Variants in MAST4 observed in about 807,000 individuals in gnomAD.
MAST4 encodes the protein microtubule associated serine/threonine kinase family member 4.
A neutral mutation model predicts 162.7 loss-of-function variants in MAST4; 89 were observed. That is an observed-to-expected ratio of 0.55 (90% confidence interval 0.46 to 0.65). MAST4 has a LOEUF of 0.65. Among genes scored for constraint, MAST4 ranks in the 30% least tolerant of loss-of-function variants. MAST4 has a pLI of 0.00. For synonymous variants in MAST4, 1,479 were observed against 1,361.1 expected (o/e 1.09, Z -1.91); for missense variants, 3,153 against 3,374.0 (o/e 0.93, Z 1.62).
intron 3 of MAST4, among the ~76,000 whole-genome samples, chr5:66,865,814 C>T (rs1465992482): frequency 6.6e-6 from 1 of 152,152 alleles, no homozygotes; most frequent in Non-Finnish European, 1.5e-5. Flanking sequence ...GTGGCTCACG[C>T]CTGTAATCCC....
intron 1 of MAST4, among the ~76,000 whole-genome samples, chr5:66,716,838 G>A (rs1750872424): frequency 1.3e-5 from 2 of 152,156 alleles, no homozygotes; most frequent in Non-Finnish European, 2.9e-5. Context: ...AGAGTACCAT[G>A]ACCAGAACTG....
chr5:67,147,817 A>G (rs1771287911), intron 23 of MAST4, among the ~76,000 whole-genome samples: 1 of 152,240 alleles, frequency 6.6e-6, no homozygotes, highest in African/African-American at 2.4e-5. Context: ...TGAGTTTAGC[A>G]TATAGGAGTA....
At chr5:67,150,233 C>G (rs941056590) in intron 24 of MAST4, among the ~76,000 whole-genome samples, 3 of 152,222 alleles carry the variant, frequency 2.0e-5, no homozygotes, top group Non-Finnish European at 1.5e-5. Flanking sequence ...TGATCACTAA[C>G]TCTGTAGTAA....
In MAST4 at chr5:66,963,787, G is replaced by C. The variant is rs1581032218; in HGVS notation, c.674+63805G>C. On this transcript the variant is annotated intron_variant, in intron 4 of 28. Coordinates refer to ENST00000403625, the MANE Select transcript of MAST4 (RefSeq NM_001164664.2). The stretch of plus-strand genomic sequence containing the variant: ...CCTCTCTTGGCCTTTCACTTTTGGA[G>C]GTAAGCATGCTCCAGGGCCTGCCCA... The C allele has an allele frequency of 3.8e-6, 3 of 779,788 alleles. No individual in the cohort carries two copies. In the East Asian group the frequency reaches 7.3e-5, roughly 19 times the overall value. The allele number at this position is 779,788 out of a possible 1,614,324, so 48.3% of individuals were successfully genotyped here.
chr5:66,944,633 A>G (rs1264355564), intron 4 of MAST4, among the ~76,000 whole-genome samples: 1 of 152,084 alleles, frequency 6.6e-6, no homozygotes, highest in East Asian at 1.9e-4. Context: ...ATAGAAACAC[A>G]TAGACTTATA....
chr5:67,029,398 G>A (rs149205375), intron 4 of MAST4, among the ~76,000 whole-genome samples: 427 of 152,190 alleles, frequency 2.8e-3, no homozygotes, highest in African/African-American at 9.1e-3. Flanking sequence ...TATATGTTTT[G>A]TTTTACTTTG....
At chr5:67,083,876 G>T (rs1019057199) in intron 5 of MAST4, among the ~76,000 whole-genome samples, 3 of 152,142 alleles carry the variant, frequency 2.0e-5, no homozygotes, top group Non-Finnish European at 4.4e-5. Flanking sequence ...GTAGATGGGA[G>T]GAAAACATGC....
chr5:66,889,444 T>A (rs1272215788), intron 3 of MAST4, among the ~76,000 whole-genome samples: 4 of 152,234 alleles, frequency 2.6e-5, no homozygotes, highest in African/African-American at 9.6e-5. Context: ...CTAAAGGCAA[T>A]TAAAATTCTA....
intron 1 of MAST4, among the ~76,000 whole-genome samples, chr5:66,697,792 T>A (rs917503678): frequency 2.0e-5 from 3 of 152,348 alleles, no homozygotes; most frequent in Admixed American, 2.0e-4. Flanking sequence ...TTTTTAAATG[T>A]CTGCTTTAAT....
intron 3 of MAST4, among the ~76,000 whole-genome samples, chr5:66,858,099 G>A (rs1333543783): frequency 2.6e-5 from 4 of 152,002 alleles, no homozygotes. Context: ...TGGGACTGCA[G>A]GTGCATGCCA....
intron 14 of MAST4, among the ~76,000 whole-genome samples, chr5:67,124,355 A>T (rs1007169151): frequency 2.6e-5 from 4 of 152,194 alleles, no homozygotes; most frequent in Admixed American, 2.0e-4. Context: ...GGAGGTTTAC[A>T]GTCCACTTAA....
chr5:66,596,393 A>G lies in MAST4; in HGVS notation c.-263A>G, dbSNP rs1742174997. 3 of 363,742 alleles carry G rather than the reference A, an allele frequency of 8.2e-6. No individual in the cohort carries two copies. In the South Asian group the frequency reaches 4.3e-4, roughly 52 times the overall value. The allele number at this position is 363,742 out of a possible 1,614,324, so 22.5% of individuals were successfully genotyped here. ...CGCGGCTCGGGTGCAGCGCGGGAGC[A>G]CAGTGGAGCGCAGATCGCGGACCCG... On this transcript the variant is annotated 5_prime_UTR_variant, in exon 1 of 29. Transcript: ENST00000403625.
chr5:66,909,482 G>A (rs1763603138), intron 4 of MAST4, among the ~76,000 whole-genome samples: 1 of 152,188 alleles, frequency 6.6e-6, no homozygotes, highest in Non-Finnish European at 1.5e-5. Context: ...GAATTTCAGA[G>A]CTGGAAGAAG....
At chr5:66,968,824 T>A (rs1449001270) in intron 4 of MAST4, among the ~76,000 whole-genome samples, 1 of 152,188 alleles carries the variant, frequency 6.6e-6, no homozygotes, top group Non-Finnish European at 1.5e-5. Flanking sequence ...AAGTAGAAAG[T>A]CATTGTTAAT....
intron 3 of MAST4, among the ~76,000 whole-genome samples, chr5:66,873,858 A>G (rs1030820233): frequency 4.6e-5 from 7 of 152,176 alleles, no homozygotes; most frequent in Non-Finnish European, 1.0e-4. Context: ...CTTGCAAAGT[A>G]TTATTATTAG....
intron 2 of MAST4, chr5:66,783,318 A>G (rs555742703): frequency 2.0e-5 from 3 of 152,192 alleles, no homozygotes; most frequent in African/African-American, 7.2e-5. Flanking sequence ...TGTTCATTCT[A>G]TATTTTCTAT....
chr5:66,794,879 C>G (rs1220161602), intron 3 of MAST4, among the ~76,000 whole-genome samples: 6 of 152,054 alleles, frequency 3.9e-5, no homozygotes, highest in Admixed American at 3.9e-4. Context: ...GTAATATATT[C>G]AAAGAGCCTT....
At chr5:67,134,775 T>A in intron 18 of MAST4, 87 bp downstream of exon 18, 1 of 1,086,930 alleles carries the variant, frequency 9.2e-7, no homozygotes, top group Non-Finnish European at 1.3e-6. Context: ...TTTTTACTAC[T>A]AAAATGTTAA....
At chr5:66,972,764 G>T (rs1456401426) in intron 4 of MAST4, among the ~76,000 whole-genome samples, 1 of 152,108 alleles carries the variant, frequency 6.6e-6, no homozygotes, top group Non-Finnish European at 1.5e-5. Flanking sequence ...ATTTTTGTGG[G>T]GTGTGAGCTG....
Sources: allele counts gnomAD v4.1 joint callset (sites outside exome capture counted in the v4.1 genomes callset), GRCh38; gene constraint gnomAD v4.1.1; transcripts MANE v1.5; gene names NCBI Gene and HGNC (gene_info 2026-07-23, HGNC 2026-07-21).